PYCR3: variants seen among roughly 807,000 people sequenced by gnomAD.
The protein encoded by PYCR3 is P5C reductase 3.
A neutral mutation model predicts 23.4 loss-of-function variants in PYCR3; 26 were observed. The ratio of observed to expected loss-of-function variants is 1.11; its 90% CI spans 0.81 to 1.54. The LOEUF is 1.54. PYCR3 is among the 40% of genes most tolerant of loss of function. PYCR3 has a pLI of 0.00. For synonymous variants in PYCR3, 194 were observed against 162.6 expected (o/e 1.19, Z -1.47); for missense variants, 360 against 376.3 (o/e 0.96, Z 0.36).
At chr8:143,609,373 GC>G in intron 1 of PYCR3, 84 bp downstream of exon 1, 7 of 1,352,176 alleles carry the variant, frequency 5.2e-6, no homozygotes, top group Non-Finnish European at 6.7e-6. Context: ...CTGGGCCCGC[GC>G]CCCCGGCCCC....
chr8:143,606,287 G>A, intron 4 of PYCR3, 133 bp from the exon 5 acceptor site: 1 of 1,118,898 alleles, frequency 8.9e-7, no homozygotes, highest in East Asian at 2.6e-5. Flanking sequence ...CTGCAAAGGG[G>A]CTGGCCTCAA....
rs1161412783 is a variant in PYCR3, at chr8:143,604,104, G to C, written c.*1596C>G. 1 of 152,160 alleles carries C rather than the reference G, an allele frequency of 6.6e-6. No individual in the cohort carries two copies. The highest frequency in any genetic ancestry group is 1.5e-5 in the Non-Finnish European group (1 of 68,038). 9.4% of individuals were successfully genotyped at this position (152,160 alleles called of 1,614,324 possible). A position where few individuals can be genotyped will look rare whatever the true frequency, so the allele number is the denominator to read the frequency against. On this transcript the variant is annotated 3_prime_UTR_variant, in exon 6 of 6. Coordinates refer to ENST00000495276, the MANE Select transcript of PYCR3 (RefSeq NM_023078.6). Reference sequence around the variant, plus strand: ...AGATGGGGTTTCTCCATGTTGGTCAGGTTGGTCTCAAACTCCTGACTTTGT... The same window carrying C: ...AGATGGGGTTTCTCCATGTTGGTCACGTTGGTCTCAAACTCCTGACTTTGT...
chr8:143,608,731 A>C (rs1829466324), intron 1 of PYCR3: 2 of 435,764 alleles, frequency 4.6e-6, no homozygotes, highest in Non-Finnish European at 9.3e-6. Flanking sequence ...ACCAGTACTA[A>C]GCTCAACACT....
In PYCR3 at chr8:143,604,967, G is replaced by A. The variant is rs762357710; in HGVS notation, c.*733C>T. ...GTATCCAGACTAAAGCCAGGGGTCTGCATGTGTCCTGGCTGGCCAGGGCCA... is the reference window on the plus strand; with the variant it reads ...GTATCCAGACTAAAGCCAGGGGTCTACATGTGTCCTGGCTGGCCAGGGCCA... On this transcript the variant is annotated 3_prime_UTR_variant, in exon 6 of 6. Coordinates refer to ENST00000495276, the MANE Select transcript of PYCR3 (RefSeq NM_023078.6). 6.0e-6 allele frequency: 3 copies of A among 498,814 alleles called. No individual in the cohort carries two copies. Among genetic ancestry groups the A allele is most frequent in the Non-Finnish European group, 1.2e-5 (3 of 250,678 alleles). The allele number at this position is 498,814 out of a possible 1,614,324, so 30.9% of individuals were successfully genotyped here.
In PYCR3 at chr8:143,605,434, T is replaced by C. The variant is rs1275874983; in HGVS notation, c.*266A>G. 7.9e-6 allele frequency: 4 copies of C among 509,496 alleles called. No individual in the cohort carries two copies. The highest frequency in any genetic ancestry group is 3.4e-5 in the Admixed American group (1 of 29,798). 31.6% of individuals were successfully genotyped at this position (509,496 alleles called of 1,614,324 possible). On this transcript the variant is annotated 3_prime_UTR_variant, in exon 6 of 6. Coordinates refer to ENST00000495276, the MANE Select transcript of PYCR3 (RefSeq NM_023078.6). ...TCTCTTGGGCCCCTCAGAACCAATGTTGCAGCAAGGTGGGCTCACTGCAGC... is the reference window on the plus strand; with the variant it reads ...TCTCTTGGGCCCCTCAGAACCAATGCTGCAGCAAGGTGGGCTCACTGCAGC...
At chr8:143,609,413 G>T in intron 1 of PYCR3, 45 bp downstream of exon 1, 1 of 1,456,348 alleles carries the variant, frequency 6.9e-7, no homozygotes, top group Non-Finnish European at 9.0e-7. Flanking sequence ...CTCCCACGGG[G>T]CTGCTCCCAC....
rs371770835 is a variant in PYCR3 at position 143,606,712 on chromosome 8, G to A, written c.337-33C>T. ...GAGAGAGGTCAGAATCAGGGAGTCTGTAGGACTGGGCCCTGCTGGGCAGGC... is the reference window on the plus strand; with the variant it reads ...GAGAGAGGTCAGAATCAGGGAGTCTATAGGACTGGGCCCTGCTGGGCAGGC... On this transcript the variant is annotated intron_variant, in intron 3 of 5. Transcript: ENST00000495276. The A allele has an allele frequency of 5.7e-5, 88 of 1,553,652 alleles. No homozygotes were observed. The Middle Eastern group carries it at 1.2e-3, about 22-fold the overall frequency.
chr8:143,608,167 G>A (rs746207328), intron 1 of PYCR3, 41 bp from the exon 2 acceptor site: 11 of 1,508,140 alleles, frequency 7.3e-6, no homozygotes, highest in Non-Finnish European at 1.0e-5. Flanking sequence ...GTGAAGGGGT[G>A]GGATAGGATG....
In PYCR3 at chr8:143,607,121, G is replaced by A; in HGVS notation, c.168C>T (p.Cys56=). The A allele has an allele frequency of 3.2e-6, 5 of 1,581,444 alleles. No homozygotes were observed. Among genetic ancestry groups the A allele is most frequent in the Non-Finnish European group, 4.3e-6 (5 of 1,163,604 alleles). ...CCTCCTGGTTGGAGTGCGTGGTCCG[G>A]CAACCCAGAGCCTGCGCCAGGGACA... ...RNLCHFQALG[C]RTTHSNQEVL... The change falls in exon 3 of 6, where the codon TGC becomes TGT. Residue 56 remains cysteine, a synonymous_variant. Coordinates refer to ENST00000495276, the MANE Select transcript of PYCR3 (RefSeq NM_023078.6).
chr8:143,606,711 TG>T, intron 3 of PYCR3, 32 bp from the exon 4 acceptor site: 1 of 1,555,392 alleles, frequency 6.4e-7, no homozygotes, highest in Non-Finnish European at 8.7e-7. Flanking sequence ...TCAGGGAGTC[TG>T]TAGGACTGGG....
chr8:143,607,745 G>A (rs1001931431), intron 2 of PYCR3, among the ~76,000 whole-genome samples: 3 of 146,514 alleles, frequency 2.0e-5, no homozygotes, highest in Admixed American at 7.0e-5. Context: ...ACAAGCGCAC[G>A]TGCAAACGCA....
At position 143,606,521 on chromosome 8, in the gene PYCR3, C is replaced by T. The variant is rs1236131132; in HGVS notation, c.495G>A (p.Val165=). ...LLEACGRCEE[V]PEAYVDIHTG... ...TGTGGATGTCGACGTAGGCTTCAGG[C>T]ACCTCCTCACACCGCCCACAGGCCT... Residue 165 remains valine (V), a synonymous_variant, in exon 4 of 6, where the codon GTG becomes GTA. Coordinates refer to ENST00000495276, the MANE Select transcript of PYCR3 (RefSeq NM_023078.6). 3.1e-6 allele frequency: 5 copies of T among 1,612,788 alleles called. No homozygotes were observed. Among genetic ancestry groups the T allele is most frequent in the African/African-American group, 1.3e-5 (1 of 74,920 alleles).
Position 143,609,338 on chromosome 8 carries a change from C to T in PYCR3, c.91+120G>A. The T allele has an allele frequency of 4.2e-6, 5 of 1,189,260 alleles. No homozygotes were observed. The South Asian group carries it at 7.1e-5, about 17-fold the overall frequency. The allele number at this position is 1,189,260 out of a possible 1,614,324, so 73.7% of individuals were successfully genotyped here. On this transcript the variant is annotated intron_variant, in intron 1 of 5. Transcript: ENST00000495276. ...GCAAACAGGCGTGGCCCCGGCTGCG[C>T]CCAGCGGAGCGGAGACCCGGTTGGC...
chr8:143,607,965 C>T (rs1829449526), intron 2 of PYCR3, 97 bp downstream of exon 2: 3 of 929,900 alleles, frequency 3.2e-6, no homozygotes, highest in South Asian at 2.9e-5. Flanking sequence ...GCTAAATAAA[C>T]CACCCATCCC....
chr8:143,609,404 T>C (rs1364720069), intron 1 of PYCR3, 54 bp downstream of exon 1: 2 of 1,426,730 alleles, frequency 1.4e-6, no homozygotes, highest in African/African-American at 3.0e-5. Context: ...GCAGGACACC[T>C]CCCACGGGGC....
intron 1 of PYCR3, chr8:143,609,009 A>G: frequency 2.4e-6 from 1 of 423,268 alleles, no homozygotes; most frequent in Admixed American, 2.5e-5. Flanking sequence ...ACAGGGGATG[A>G]TTTTGCCTGT....
At position 143,606,617 on chromosome 8, in the gene PYCR3, T is replaced by C. The variant is rs373937080; in HGVS notation, c.399A>G (p.Glu133=). 5.0e-5 allele frequency: 81 copies of C among 1,610,606 alleles called. No homozygotes were observed. The highest frequency in any genetic ancestry group is 6.8e-5 in the Non-Finnish European group (80 of 1,179,098). The change falls in exon 4 of 6, where the codon GAA becomes GAG. Residue 133 remains glutamate, a synonymous_variant. Coordinates refer to ENST00000495276, the MANE Select transcript of PYCR3 (RefSeq NM_023078.6). ...GGCCCCGCGCCATCACTATGGCCCC[T>C]TCCTGGACCACACAGGGCAGGTTGG... ...VLPNLPCVVQ[E]GAIVMARGRH...
intron 2 of PYCR3, 43 bp downstream of exon 2, chr8:143,608,019 C>A (rs202023937): frequency 1.9e-5 from 28 of 1,458,312 alleles, no homozygotes; most frequent in African/African-American, 5.6e-5. Context: ...CAAGAGCTAT[C>A]CTGGGCTCCT....
intron 5 of PYCR3, 67 bp downstream of exon 5, chr8:143,605,995 C>T: frequency 6.4e-7 from 1 of 1,561,618 alleles, no homozygotes; most frequent in East Asian, 2.3e-5. Flanking sequence ...CCTGCTGTTT[C>T]CCTGCGCACT....
Sources: allele counts gnomAD v4.1 joint callset (sites outside exome capture counted in the v4.1 genomes callset), GRCh38; gene constraint gnomAD v4.1.1; transcripts MANE v1.5; gene names NCBI Gene and HGNC (gene_info 2026-07-23, HGNC 2026-07-21).